The following CACNA1C variants were observed in gnomAD, a reference collection of about 807,000 sequenced individuals.
CACNA1C encodes the protein voltage-dependent L-type calcium channel subunit alpha-1C.
Under a neutral mutation model 229.0 loss-of-function variants are expected in CACNA1C, and 30 were observed. The observed-to-expected ratio is 0.13, with a 90% CI of 0.10 to 0.18. The LOEUF (loss-of-function observed/expected upper bound fraction) is 0.18, where lower values mean the gene tolerates loss of function less well. Among genes scored for constraint, CACNA1C ranks in the 10% least tolerant of loss-of-function variants. The pLI is 1.00. For synonymous variants in CACNA1C, 1,114 were observed against 1,132.5 expected (o/e 0.98, Z 0.33); for missense variants, 1,658 against 2,845.0 (o/e 0.58, Z 9.49).
Position 2,215,199 on chromosome 12 carries a change from G to T in CACNA1C, c.477+94769G>T. On this transcript the variant is annotated intron_variant, in intron 3 of 46. Transcript: ENST00000399655. This position sits in a 1 kb window ranked among gnomAD's most constrained non-coding sequence, Gnocchi z 5.0. Reference sequence around the variant, plus strand: ...CATGTCAATCTGAGTCCCTTTGCTTGGATTTAATCTGCTATTTGTGGGTGT... The same window carrying T: ...CATGTCAATCTGAGTCCCTTTGCTTTGATTTAATCTGCTATTTGTGGGTGT... 6.6e-6 allele frequency among the ~76,000 whole-genome samples: 1 copy of T among 152,200 alleles called. No individual in the cohort carries two copies. The highest frequency in any genetic ancestry group is 1.5e-5 in the Non-Finnish European group (1 of 68,042).
At chr12:2,596,136 C>T in intron 20 of CACNA1C, 133 bp downstream of exon 20, 1 of 888,566 alleles carries the variant, frequency 1.1e-6, no homozygotes, top group Non-Finnish European at 1.6e-6. Flanking sequence ...ACTAACATTT[C>T]ATTAAGAGAG....
rs2097291469 is a variant in CACNA1C at position 2,354,296 on chromosome 12, AAC to A, written c.478-94676_478-94675del. ...GTCACAGAAGCCCTGCAGAGCAGGA[AAC>A]ACAGAGCAGAAAGCCACGCACACAG... On this transcript the variant is annotated intron_variant, in intron 3 of 46. Coordinates refer to ENST00000399655, the MANE Select transcript of CACNA1C (RefSeq NM_000719.7). The surrounding 1 kb of genome is among the most constrained non-coding windows in gnomAD (Gnocchi z 4.6). Among the ~76,000 whole-genome samples the A allele has an allele frequency of 6.6e-6, 1 of 152,188 alleles. No individual in the cohort carries two copies. The highest frequency in any genetic ancestry group is 1.5e-5 in the Non-Finnish European group (1 of 68,044).
At position 2,272,369 on chromosome 12, in the gene CACNA1C, G is replaced by A. The variant is rs376484219; in HGVS notation, c.477+151939G>A. 2.0e-5 allele frequency among the ~76,000 whole-genome samples: 3 copies of A among 152,254 alleles called. No homozygotes were observed. In the South Asian group the frequency reaches 6.2e-4, roughly 32 times the overall value. On this transcript the variant is annotated intron_variant, in intron 3 of 46. Transcript: ENST00000399655. The stretch of plus-strand genomic sequence containing the variant: ...CTGCCCTGAAGGCTTGTCCATGCCT[G>A]TGGATCACCATCCTCTGCCTCCTGC...
At chr12:2,543,753 G>A (rs2099876338) in intron 9 of CACNA1C, among the ~76,000 whole-genome samples, 1 of 152,206 alleles carries the variant, frequency 6.6e-6, no homozygotes, top group Non-Finnish European at 1.5e-5. Context: ...CCATGCAGGT[G>A]ACTGCCAACT....
intron 3 of CACNA1C, among the ~76,000 whole-genome samples, chr12:2,233,330 C>T (rs1370234850): frequency 6.6e-6 from 1 of 152,186 alleles, no homozygotes; most frequent in African/African-American, 2.4e-5. Flanking sequence ...TCCTTTCACT[C>T]ATTCATTAAG....
chr12:2,676,415 G>C (rs919913226), intron 39 of CACNA1C: 6 of 152,250 alleles, frequency 3.9e-5, no homozygotes, highest in African/African-American at 1.4e-4. Flanking sequence ...GTAGATCCAA[G>C]GGGCTCCTCC....
At position 2,254,918 on chromosome 12, in the gene CACNA1C, G is replaced by A. The variant is rs562693271; in HGVS notation, c.477+134488G>A. 9.9e-5 allele frequency among the ~76,000 whole-genome samples: 15 copies of A among 152,262 alleles called. No homozygotes were observed. The East Asian group carries it at 2.7e-3, about 27-fold the overall frequency. On this transcript the variant is annotated intron_variant, in intron 3 of 46. Transcript: ENST00000399655. ...TGAGTCTCTGAAAGAGATTCATCCC[G>A]AAGGTCTTTTAAGTGAAGAGAGGCA... is the stretch of plus-strand genomic sequence containing the variant.
intron 3 of CACNA1C, among the ~76,000 whole-genome samples, chr12:2,191,047 G>A (rs915224598): frequency 1.3e-5 from 2 of 152,148 alleles, no homozygotes; most frequent in African/African-American, 4.8e-5. Flanking sequence ...GTCCAGTGCC[G>A]TGCCCAGGAG....
At chr12:2,138,324 G>C (rs1203320610) in intron 3 of CACNA1C, among the ~76,000 whole-genome samples, 3 of 151,234 alleles carry the variant, frequency 2.0e-5, no homozygotes, top group African/African-American at 7.3e-5. Flanking sequence ...CACAGGGCTG[G>C]GGAGCACAAG....
chr12:2,185,025 C>T (rs536072423), intron 3 of CACNA1C, among the ~76,000 whole-genome samples: 50 of 152,202 alleles, frequency 3.3e-4, no homozygotes, highest in East Asian at 1.4e-3. Context: ...TCTTACTCCG[C>T]GTGGCTCATT....
chr12:2,069,845 C>T (rs1594956949), intron 1 of CACNA1C, among the ~76,000 whole-genome samples: 1 of 152,088 alleles, frequency 6.6e-6, no homozygotes, highest in African/African-American at 2.4e-5. Flanking sequence ...CTTGAGACGG[C>T]GTCACTCTGT....
chr12:2,583,086 G>A (rs2061140204), intron 15 of CACNA1C, 144 bp downstream of exon 15: 1 of 621,696 alleles, frequency 1.6e-6, no homozygotes, highest in Non-Finnish European at 2.8e-6. Context: ...GCGGAGGTGG[G>A]TCTGGGTGGA....
intron 9 of CACNA1C, among the ~76,000 whole-genome samples, chr12:2,523,724 A>G (rs2099813984): frequency 6.6e-6 from 1 of 152,184 alleles, no homozygotes; most frequent in South Asian, 2.1e-4. Context: ...TTTGACTTTA[A>G]TTTGGTGCTT....
At chr12:2,205,505 C>T (rs1313210995) in intron 3 of CACNA1C, among the ~76,000 whole-genome samples, 2 of 152,276 alleles carry the variant, frequency 1.3e-5, no homozygotes, top group East Asian at 1.9e-4. Context: ...TCCTATAGCA[C>T]TGAAAACAAT....
intron 3 of CACNA1C, among the ~76,000 whole-genome samples, chr12:2,352,905 G>A (rs1412582276): frequency 6.6e-6 from 1 of 152,194 alleles, no homozygotes; most frequent in Non-Finnish European, 1.5e-5. Flanking sequence ...CAGAGCAGTG[G>A]CGAGGACCAA....
chr12:2,100,132 C>A (rs975679296), intron 1 of CACNA1C, among the ~76,000 whole-genome samples: 2 of 152,104 alleles, frequency 1.3e-5, no homozygotes, highest in African/African-American at 4.8e-5. Flanking sequence ...TCTAGTATTT[C>A]TTCTATGAAA....
At chr12:2,048,807 AG>A (rs1459650715), upstream of CACNA1C, among the ~76,000 whole-genome samples, 2 of 152,204 alleles carry the variant, frequency 1.3e-5, no homozygotes, top group Admixed American at 6.5e-5. Context: ...GGGAAGAGGA[AG>A]AGCCTGCTTG....
chr12:2,100,087 T>C (rs2075736227), intron 1 of CACNA1C, among the ~76,000 whole-genome samples: 1 of 152,138 alleles, frequency 6.6e-6, no homozygotes, highest in East Asian at 1.9e-4. Flanking sequence ...CACGTGTATA[T>C]TACCTGACAC....
In CACNA1C at chr12:2,057,520, C is replaced by T. The variant is rs56148407; in HGVS notation, c.49+3909C>T. ...GCTTCCATCAGGCCCACACCTGCCC[C>T]GGCACAGGTAACCCAAAAGACCAGT... On this transcript the variant is annotated intron_variant, in intron 1 of 46. Coordinates refer to ENST00000399655, the MANE Select transcript of CACNA1C (RefSeq NM_000719.7). 1.7e-3 allele frequency among the ~76,000 whole-genome samples: 265 copies of T among 152,266 alleles called. 2 individuals are homozygous for T. The highest frequency in any genetic ancestry group is 5.1e-3 in the African/African-American group (213 of 41,548).
Sources: gnomAD v4.1 joint callset for allele counts (sites outside exome capture counted in the v4.1 genomes callset) on GRCh38, gnomAD v4.1.1 for gene constraint, Gnocchi (gnomAD v3.1) non-coding constraint, MANE v1.5 for transcripts, NCBI Gene and HGNC (gene_info 2026-07-23, HGNC 2026-07-21) for gene names.